Variants in TASP1 observed in about 807,000 individuals in gnomAD.
TASP1 encodes the protein taspase 1.
In TASP1, 16 loss-of-function variants were observed where a neutral mutation model predicts 56.6. That is an observed-to-expected ratio of 0.28 (90% confidence interval 0.19 to 0.43). The LOEUF is 0.43. Among genes scored for constraint, TASP1 ranks in the 20% least tolerant of loss-of-function variants. The pLI, the probability that TASP1 is intolerant of heterozygous loss-of-function variation, is 1.00. For synonymous variants in TASP1, 179 were observed against 184.2 expected (o/e 0.97, Z 0.23); for missense variants, 393 against 511.6 (o/e 0.77, Z 2.24).
the TASP1 span, among the ~76,000 whole-genome samples, chr20:13,380,601 A>C: frequency 6.6e-6 from 1 of 152,172 alleles, no homozygotes. Flanking sequence ...GAGCTCAAGC[A>C]CTGTGCTGGG....
intron 7 of TASP1, among the ~76,000 whole-genome samples, chr20:13,566,169 G>C (rs1299694067): frequency 6.6e-6 from 1 of 152,100 alleles, no homozygotes. Context: ...GGACTAAATG[G>C]AAGGCACATG....
At chr20:13,328,596 T>C in the TASP1 span, among the ~76,000 whole-genome samples, 8,216 of 152,222 alleles carry the variant, frequency 0.054, 337 homozygotes, top group East Asian at 0.16. Flanking sequence ...GAAAATGTGG[T>C]ACATATACAA....
intron 8 of TASP1, among the ~76,000 whole-genome samples, chr20:13,549,561 T>C (rs908759484): frequency 1.3e-5 from 2 of 152,270 alleles, no homozygotes; most frequent in Non-Finnish European, 2.9e-5. Flanking sequence ...GTCATTGGTG[T>C]ATGGTGATAG....
chr20:13,491,791 A>G (rs534361157), intron 10 of TASP1, among the ~76,000 whole-genome samples: 1 of 152,218 alleles, frequency 6.6e-6, no homozygotes, highest in East Asian at 1.9e-4. Flanking sequence ...TTTTGTCTTC[A>G]TCTAATGTAG....
At chr20:13,209,637 A>G in the TASP1 span, among the ~76,000 whole-genome samples, 2 of 152,172 alleles carry the variant, frequency 1.3e-5, no homozygotes, top group African/African-American at 4.8e-5. Context: ...ACCCCCGTGG[A>G]TTTATTCTCC....
At chr20:13,221,263 T>TCCC in the TASP1 span, among the ~76,000 whole-genome samples, 1 of 116,378 alleles carries the variant, frequency 8.6e-6, no homozygotes, top group African/African-American at 3.2e-5. Context: ...CTCCTCCTCC[T>TCCC]TCTCCTTCTC....
At chr20:13,385,157 A>T (rs956006171), downstream of TASP1, among the ~76,000 whole-genome samples, 13 of 152,194 alleles carry the variant, frequency 8.5e-5, no homozygotes, top group African/African-American at 3.1e-4. Flanking sequence ...ACGTCGTGAA[A>T]ATGTGTTCGT....
At chr20:13,357,527 C>T in the TASP1 span, among the ~76,000 whole-genome samples, 1,780 of 152,206 alleles carry the variant, frequency 0.012, 36 homozygotes, top group African/African-American at 0.038. Flanking sequence ...TCTTTAAACC[C>T]CTGATAAGAA....
At chr20:13,501,050 G>A (rs963857016) in intron 10 of TASP1, among the ~76,000 whole-genome samples, 2 of 151,986 alleles carry the variant, frequency 1.3e-5, no homozygotes, top group African/African-American at 4.8e-5. Flanking sequence ...AACAATGGAT[G>A]CAAAAAGATA....
chr20:13,236,872 C>T, the TASP1 span, among the ~76,000 whole-genome samples: 3 of 152,178 alleles, frequency 2.0e-5, no homozygotes, highest in African/African-American at 2.4e-5. Flanking sequence ...GCTCTGCCCC[C>T]GGGGCTTTGC....
the TASP1 span, chr20:13,159,966 A>G: frequency 6.7e-7 from 1 of 1,491,136 alleles, no homozygotes; most frequent in Non-Finnish European, 9.0e-7. Flanking sequence ...TTCCCAACTA[A>G]CCACTTTTTT....
intron 6 of TASP1, among the ~76,000 whole-genome samples, chr20:13,570,432 GTTATT>G (rs2046673440): frequency 6.6e-6 from 1 of 151,964 alleles, no homozygotes; most frequent in African/African-American, 2.4e-5. Flanking sequence ...TTTTGTTTCT[GTTATT>G]TTAATCATTC....
chr20:13,591,029 A>G (rs537025405), intron 4 of TASP1, among the ~76,000 whole-genome samples: 1 of 151,960 alleles, frequency 6.6e-6, no homozygotes, highest in East Asian at 1.9e-4. Flanking sequence ...TAAATGACAA[A>G]GTGAAAAAAA....
the TASP1 span, among the ~76,000 whole-genome samples, chr20:13,293,285 A>G: frequency 1.3e-5 from 2 of 152,210 alleles, no homozygotes; most frequent in Admixed American, 6.5e-5. Context: ...TGGTAGAGCA[A>G]ATGCAATAAA....
chr20:13,406,285 T>C (rs1302929436), intron 13 of TASP1, among the ~76,000 whole-genome samples: 1 of 152,250 alleles, frequency 6.6e-6, no homozygotes, highest in Non-Finnish European at 1.5e-5. Context: ...GCTATCTTAC[T>C]GTGTTTTCCA....
chr20:13,528,471 C>G lies in TASP1; in HGVS notation c.836G>C (p.Gly279Ala). 2 of 1,610,618 alleles carry G rather than the reference C, an allele frequency of 1.2e-6. No individual in the cohort carries two copies. The highest frequency in any genetic ancestry group is 1.7e-6 in the Non-Finnish European group (2 of 1,178,120). The change falls in exon 10 of 14, where the codon GGA becomes GCA. Residue 279 changes from glycine (G) to alanine (A), a missense_variant. By Grantham distance (60) the Gly-to-Ala change is moderately conservative (BLOSUM62 0). Around this residue, in one of 3 missense-constraint regions of TASP1, gnomAD observed 293 missense variants for 354.2 expected, o/e 0.83. Transcript: ENST00000337743. Reference protein sequence around the residue: ...YGCGCWAENTGAHNPYSTAVS... With the variant: ...YGCGCWAENTAAHNPYSTAVS... ...AGCTGTGGAGTAGGGGTTATGAGCTCCAGTATTTTCAGCCCAGCAGCCACA... is the reference window on the plus strand; with the variant it reads ...AGCTGTGGAGTAGGGGTTATGAGCTGCAGTATTTTCAGCCCAGCAGCCACA...
intron 11 of TASP1, among the ~76,000 whole-genome samples, chr20:13,466,104 T>C (rs1007067888): frequency 1.3e-5 from 2 of 152,156 alleles, no homozygotes; most frequent in African/African-American, 4.8e-5. Flanking sequence ...ACATTAACAT[T>C]AGGAGAAACT....
At chr20:13,429,091 A>G (rs960705720) in intron 12 of TASP1, among the ~76,000 whole-genome samples, 4 of 152,338 alleles carry the variant, frequency 2.6e-5, no homozygotes, top group African/African-American at 7.2e-5. Flanking sequence ...TCAAAGACCT[A>G]TGATTTATTC....
At chr20:13,369,038 T>C in the TASP1 span, among the ~76,000 whole-genome samples, 2 of 152,246 alleles carry the variant, frequency 1.3e-5, no homozygotes, top group Admixed American at 6.5e-5. Context: ...CTAGTCATAG[T>C]AGGCAATTTC....
Sources: allele counts gnomAD v4.1 joint callset (sites outside exome capture counted in the v4.1 genomes callset), GRCh38; gene constraint gnomAD v4.1.1; regional missense constraint gnomAD v4.1.1; transcripts MANE v1.5; gene names NCBI Gene and HGNC (gene_info 2026-07-23, HGNC 2026-07-21).